MYPN: variants seen among roughly 807,000 people sequenced by gnomAD.
MYPN encodes the protein myopalladin, also known as sarcomeric protein myopalladin, 145 kDa (MYOP).
Under a neutral mutation model 129.4 loss-of-function variants are expected in MYPN, and 63 were observed. The observed-to-expected ratio is 0.49, with a 90% CI of 0.40 to 0.60. The LOEUF (loss-of-function observed/expected upper bound fraction) is 0.60. Ranked by LOEUF, MYPN falls within the 20% of genes least tolerant of loss-of-function variation. The pLI is 0.00. For missense variants in MYPN, 1,596 were observed against 1,635.4 expected (o/e 0.98, Z 0.42); for synonymous variants, 629 against 600.9 (o/e 1.05, Z -0.68).
intron 19 of MYPN, among the ~76,000 whole-genome samples, chr10:68,209,994 C>T (rs1400469425): frequency 1.3e-5 from 2 of 152,104 alleles, no homozygotes; most frequent in South Asian, 2.1e-4. Flanking sequence ...TGCCTGGCCG[C>T]ATCTTAGAGG....
At chr10:68,101,996 A>G (rs2041984032), upstream of MYPN, among the ~76,000 whole-genome samples, 1 of 151,914 alleles carries the variant, frequency 6.6e-6, no homozygotes, top group Non-Finnish European at 1.5e-5. Context: ...ATCTGCCTTT[A>G]ATTTTTTGAT....
At chr10:68,124,110 A>T (rs868054055) in intron 2 of MYPN, among the ~76,000 whole-genome samples, 1 of 152,176 alleles carries the variant, frequency 6.6e-6, no homozygotes, top group Non-Finnish European at 1.5e-5. Context: ...TCACTTGACT[A>T]GGCTATACCT....
At chr10:68,118,318 G>A (rs2042187469) in intron 1 of MYPN, among the ~76,000 whole-genome samples, 2 of 152,094 alleles carry the variant, frequency 1.3e-5, no homozygotes, top group Admixed American at 6.6e-5. Context: ...TGCCTTTGAT[G>A]TTATTAATCC....
In MYPN at chr10:68,146,589, G is replaced by C. The variant is rs189759309; in HGVS notation, c.1130+1063G>C. On this transcript the variant is annotated intron_variant, in intron 4 of 19. Coordinates refer to ENST00000358913, the MANE Select transcript of MYPN (RefSeq NM_032578.4). Reference sequence around the variant, plus strand: ...AATTAACTGTGACTTAAATGAAACAGATATTTATTTCTTATTTACATACAA... The same window carrying C: ...AATTAACTGTGACTTAAATGAAACACATATTTATTTCTTATTTACATACAA... Among the ~76,000 whole-genome samples, 8 of 152,320 alleles carry C rather than the reference G, an allele frequency of 5.3e-5. No homozygotes were observed. The East Asian group carries it at 1.5e-3, about 29-fold the overall frequency.
intron 16 of MYPN, among the ~76,000 whole-genome samples, chr10:68,197,895 A>T (rs2043638346): frequency 6.6e-6 from 1 of 152,182 alleles, no homozygotes; most frequent in South Asian, 2.1e-4. Context: ...TCTAATGGGC[A>T]GGTAGCATAG....
intron 10 of MYPN, among the ~76,000 whole-genome samples, chr10:68,168,678 T>C (rs2043091210): frequency 1.3e-5 from 2 of 152,168 alleles, no homozygotes; most frequent in Admixed American, 1.3e-4. Context: ...CTGGGGATTC[T>C]ATGGCTGGCA....
rs555936314 is a variant in MYPN at position 68,191,580 on chromosome 10, A to G, written c.2925+2454A>G. 9.9e-5 allele frequency among the ~76,000 whole-genome samples: 15 copies of G among 152,254 alleles called. No individual in the cohort carries two copies. In the South Asian group the frequency reaches 3.1e-3, roughly 32 times the overall value. On this transcript the variant is annotated intron_variant, in intron 13 of 19. Coordinates refer to ENST00000358913, the MANE Select transcript of MYPN (RefSeq NM_032578.4). ...TTGATAGGGATTGCGTTGAATCTGT[A>G]TATCACGTTGAGCAGTATAGACATT...
Position 68,210,464 on chromosome 10 carries a change from A to C in MYPN, c.*9A>C. 1.9e-6 allele frequency: 3 copies of C among 1,613,954 alleles called. No homozygotes were observed. The highest frequency in any genetic ancestry group is 2.5e-6 in the Non-Finnish European group (3 of 1,179,950). On this transcript the variant is annotated 3_prime_UTR_variant, in exon 20 of 20. Coordinates refer to ENST00000358913, the MANE Select transcript of MYPN (RefSeq NM_032578.4). Reference sequence around the variant, plus strand: ...AGAGTGATGAACTTTAAGAATGTCTAGGTACCTGCTGTGTAAGAGAGCGGA... The same window carrying C: ...AGAGTGATGAACTTTAAGAATGTCTCGGTACCTGCTGTGTAAGAGAGCGGA...
intron 6 of MYPN, among the ~76,000 whole-genome samples, chr10:68,157,820 A>G (rs2042903856): frequency 6.6e-6 from 1 of 150,820 alleles, no homozygotes; most frequent in Non-Finnish European, 1.5e-5. Context: ...CCAGCCTGGG[A>G]AAGAGAGTGA....
upstream of MYPN, chr10:68,106,333 G>T: frequency 2.8e-6 from 1 of 360,852 alleles, no homozygotes; most frequent in Non-Finnish European, 5.3e-6. Flanking sequence ...AGCATTTTCA[G>T]TAGTTTAGAT....
At position 68,148,460 on chromosome 10, in the gene MYPN, T is replaced by G. The variant is rs201225230; in HGVS notation, c.1238T>G (p.Ile413Ser). Residue 413 changes from isoleucine (I) to serine (S), a missense_variant, in exon 5 of 20, where the codon ATC becomes AGC. Ile to Ser is a moderately radical substitution (Grantham distance 142). Coordinates refer to ENST00000358913, the MANE Select transcript of MYPN (RefSeq NM_032578.4). The stretch of plus-strand genomic sequence containing the variant: ...GTGGCCCAACCTCGTGTGGCAACCA[T>G]CCAGCAGGTACAAGAATCCAAGCGA... Reference protein sequence around the residue: ...HLVAQPRVATIQQCQSPTNYL... With the variant: ...HLVAQPRVATSQQCQSPTNYL... The G allele has an allele frequency of 1.9e-6, 3 of 1,613,398 alleles. No individual in the cohort carries two copies. In the South Asian group the frequency reaches 3.3e-5, roughly 18 times the overall value.
chr10:68,143,470 G>A (rs1443427450), intron 3 of MYPN, among the ~76,000 whole-genome samples: 1 of 152,114 alleles, frequency 6.6e-6, no homozygotes, highest in East Asian at 1.9e-4. Context: ...ATTTACTCTA[G>A]GCAGAAAAAT....
At chr10:68,100,328 C>A (rs2041976114) in intron 1 of MYPN, among the ~76,000 whole-genome samples, 1 of 152,118 alleles carries the variant, frequency 6.6e-6, no homozygotes, top group Non-Finnish European at 1.5e-5. Flanking sequence ...GAAATGAGTC[C>A]AGTTTGCAGT....
intron 5 of MYPN, among the ~76,000 whole-genome samples, chr10:68,148,792 C>T (rs1214323349): frequency 2.0e-5 from 3 of 152,174 alleles, no homozygotes; most frequent in Non-Finnish European, 4.4e-5. Context: ...TATCATAAAA[C>T]CTGATTAGTT....
At chr10:68,124,052 A>G (rs1395775217) in intron 2 of MYPN, among the ~76,000 whole-genome samples, 1 of 152,158 alleles carries the variant, frequency 6.6e-6, no homozygotes, top group African/African-American at 2.4e-5. Flanking sequence ...TTTGCCTACC[A>G]TGGTCAGCTT....
At chr10:68,190,094 G>C (rs779078991) in intron 13 of MYPN, among the ~76,000 whole-genome samples, 4 of 151,948 alleles carry the variant, frequency 2.6e-5, no homozygotes, top group Non-Finnish European at 5.9e-5. Context: ...CTTGGGGTTT[G>C]ATTTGCATTT....
intron 1 of MYPN, among the ~76,000 whole-genome samples, chr10:68,097,608 T>C (rs1331287249): frequency 6.6e-6 from 1 of 152,170 alleles, no homozygotes; most frequent in Non-Finnish European, 1.5e-5. Context: ...TATTTTCCTC[T>C]TTTACAGAGG....
intron 15 of MYPN, 143 bp from the exon 16 acceptor site, chr10:68,197,206 TTTA>T: frequency 1.3e-6 from 1 of 742,464 alleles, no homozygotes; most frequent in Middle Eastern, 4.1e-4. Flanking sequence ...CACACCATTA[TTTA>T]TTGTTTATAG....
At chr10:68,132,245 G>A (rs1041362166) in intron 2 of MYPN, among the ~76,000 whole-genome samples, 1 of 152,038 alleles carries the variant, frequency 6.6e-6, no homozygotes, top group African/African-American at 2.4e-5. Context: ...CATTTATTGA[G>A]CTTATCATGT....
Sources: allele counts gnomAD v4.1 joint callset (sites outside exome capture counted in the v4.1 genomes callset), GRCh38; gene constraint gnomAD v4.1.1; transcripts MANE v1.5; gene names NCBI Gene and HGNC (gene_info 2026-07-23, HGNC 2026-07-21).